The following ZNF385C variants were observed in gnomAD, a reference collection of about 807,000 sequenced individuals.
The protein encoded by ZNF385C is zinc finger protein 385C, also known as CTD-2132N18.2.
In ZNF385C, 28 loss-of-function variants were observed where a neutral mutation model predicts 35.4. That is an observed-to-expected ratio of 0.79 (90% CI 0.59 to 1.08). The LOEUF is 1.08. Among genes scored for constraint, ZNF385C ranks in the 50% least tolerant of loss-of-function variants. The pLI, the probability that ZNF385C is intolerant of heterozygous loss-of-function variation, is 0.00. For synonymous variants in ZNF385C, 248 were observed against 248.2 expected, an observed-to-expected ratio of 1.00 and a Z score of 0.01; for missense variants, 605 against 595.6, an observed-to-expected ratio of 1.02 and a Z score of -0.16.
At chr17:42,067,233 GC>G (rs1567993373) in intron 1 of ZNF385C, among the ~76,000 whole-genome samples, 1 of 152,166 alleles carries the variant, frequency 6.6e-6, no homozygotes, top group African/African-American at 2.4e-5. Context: ...ACTGCGCCCA[GC>G]CTTGCTGACA....
At chr17:42,027,188 C>G (rs929764118) in intron 8 of ZNF385C, 55 bp from the exon 9 acceptor site, 7 of 1,513,006 alleles carry the variant, frequency 4.6e-6, no homozygotes, top group East Asian at 2.3e-5. Context: ...ACCCCACCCC[C>G]TCCCTGGGGC....
chr17:42,028,974 G>C lies in ZNF385C; in HGVS notation c.776C>G (p.Ser259Cys). Residue 259 changes from serine (S) to cysteine (C), a missense_variant, in exon 6 of 9, where the codon TCC (serine) becomes TGC (cysteine). Transcript: ENST00000692273. ...TGGGCAGGAGGAAGAAGAGGATGAG[G>C]AGGCAGCATCCAAGAGCTCTGAGTG... ...PAHSELLDAA[S>C]SSSSSSCPPC... is the part of the protein sequence containing the mutation. The C allele has an allele frequency of 6.4e-7, 1 of 1,550,618 alleles. No individual in the cohort carries two copies. The highest frequency in any genetic ancestry group is 1.2e-5 in the South Asian group (1 of 84,064).
intron 2 of ZNF385C, among the ~76,000 whole-genome samples, chr17:42,044,848 C>T (rs1325435674): frequency 6.6e-6 from 1 of 151,748 alleles, no homozygotes; most frequent in Non-Finnish European, 1.5e-5. Context: ...TCCCCAGGCA[C>T]GAGGCCAGGA....
intron 1 of ZNF385C, among the ~76,000 whole-genome samples, chr17:42,063,305 G>T (rs1410953337): frequency 6.6e-6 from 1 of 152,164 alleles, no homozygotes; most frequent in Admixed American, 6.5e-5. Context: ...GAGGCGGGCA[G>T]GTCACCTGAG....
intron 2 of ZNF385C, chr17:42,043,185 G>T: frequency 8.1e-7 from 1 of 1,232,264 alleles, no homozygotes; most frequent in Non-Finnish European, 1.0e-6. Flanking sequence ...TGCCCACAGT[G>T]AAGGCGTTTT....
chr17:42,074,831 CA>C (rs1555659123), intron 1 of ZNF385C, among the ~76,000 whole-genome samples: 1 of 152,220 alleles, frequency 6.6e-6, no homozygotes, highest in African/African-American at 2.4e-5. Context: ...TGTGGCTGTC[CA>C]CGGAGAATTG....
chr17:42,047,226 G>A lies in ZNF385C; in HGVS notation c.251-9341C>T, dbSNP rs187821786. On this transcript the variant is annotated intron_variant, in intron 2 of 8. Transcript: ENST00000692273. ...TTTTTGTATTTTTAGTAGAGACAGGGTTTCACCATGTTAGCCAGGATGGTC... is the reference window on the plus strand; with the variant it reads ...TTTTTGTATTTTTAGTAGAGACAGGATTTCACCATGTTAGCCAGGATGGTC... Among the ~76,000 whole-genome samples the A allele has an allele frequency of 4.9e-3, 746 of 152,222 alleles. 7 individuals are homozygous for A. The highest frequency in any genetic ancestry group is 8.1e-3 in the Non-Finnish European group (549 of 68,008).
Position 42,032,799 on chromosome 17 carries a change from G to A in ZNF385C, c.511-1015C>T, listed in dbSNP as rs138375709. Among the ~76,000 whole-genome samples the A allele has an allele frequency of 4.7e-3, 708 of 151,022 alleles. 4 individuals carry two copies. The highest frequency in any genetic ancestry group is 6.3e-3 in the Non-Finnish European group (426 of 67,808). On this transcript the variant is annotated intron_variant, in intron 4 of 8. Transcript: ENST00000692273. ...GCAATCTAGGCTCACTGTAACCTCT[G>A]CCTCCTGGGTTCAAGCGATTCTCCT...
intron 1 of ZNF385C, among the ~76,000 whole-genome samples, chr17:42,092,955 G>A (rs898934354): frequency 3.9e-5 from 6 of 152,120 alleles, no homozygotes; most frequent in African/African-American, 1.4e-4. Context: ...AGGGCAGGGG[G>A]CAAGGCCAAA....
intron 8 of ZNF385C, 84 bp downstream of exon 8, chr17:42,027,534 C>T (rs2052615440): frequency 1.7e-6 from 2 of 1,206,542 alleles, no homozygotes; most frequent in South Asian, 1.6e-5. Context: ...TTTCCTGCCC[C>T]ACCGCAGCCC....
rs1162448945 is a variant in ZNF385C, at chr17:42,050,424, C to T, written c.250+12383G>A. On this transcript the variant is annotated intron_variant, in intron 2 of 8. Transcript: ENST00000692273. The surrounding 1 kb of genome is among the most constrained non-coding windows in gnomAD (Gnocchi z 5.6). Reference sequence around the variant, plus strand: ...GACGGGGAGGGCTGAGGAACTTCCTCTGGGGGGCGCGCGGTGACAGAGCCC... The same window carrying T: ...GACGGGGAGGGCTGAGGAACTTCCTTTGGGGGGCGCGCGGTGACAGAGCCC... The T allele has an allele frequency of 6.6e-6, 1 of 152,160 alleles. No homozygotes were observed. Among genetic ancestry groups the T allele is most frequent in the African/African-American group, 2.4e-5 (1 of 41,432 alleles). 9.4% of individuals were successfully genotyped at this position (152,160 alleles called of 1,614,324 possible).
chr17:42,057,603 T>C (rs1419976539), intron 2 of ZNF385C, among the ~76,000 whole-genome samples: 1 of 150,268 alleles, frequency 6.7e-6, no homozygotes, highest in Non-Finnish European at 1.5e-5. Flanking sequence ...CACACCCCCA[T>C]TGGGAGGAGA....
At chr17:42,093,453 C>G (rs1446837025) in intron 1 of ZNF385C, among the ~76,000 whole-genome samples, 1 of 152,142 alleles carries the variant, frequency 6.6e-6, no homozygotes, top group Non-Finnish European at 1.5e-5. Flanking sequence ...GCTCCCAGGC[C>G]TATGACCCTG....
At chr17:42,043,431 T>A in intron 2 of ZNF385C, 1 of 1,223,972 alleles carries the variant, frequency 8.2e-7, no homozygotes, top group Non-Finnish European at 1.0e-6. Context: ...CTTGCCCCCC[T>A]GCCTCCCCCA....
At chr17:42,091,161 C>T (rs2053860898) in intron 1 of ZNF385C, among the ~76,000 whole-genome samples, 1 of 151,742 alleles carries the variant, frequency 6.6e-6, no homozygotes, top group Admixed American at 6.6e-5. Flanking sequence ...CGCATGGTGG[C>T]ATTACAGGCA....
At chr17:42,080,835 A>G (rs1257970924) in intron 1 of ZNF385C, among the ~76,000 whole-genome samples, 2 of 152,214 alleles carry the variant, frequency 1.3e-5, no homozygotes, top group African/African-American at 4.8e-5. Context: ...AGCTTCCCAC[A>G]GCAGGGCCAC....
At chr17:42,089,923 CCTT>C (rs1555660375) in intron 1 of ZNF385C, among the ~76,000 whole-genome samples, 2 of 152,216 alleles carry the variant, frequency 1.3e-5, no homozygotes, top group Non-Finnish European at 2.9e-5. Context: ...CTGGAGAACA[CCTT>C]CTTAAAACAT....
At chr17:42,048,797 G>A (rs1357804059) in intron 2 of ZNF385C, among the ~76,000 whole-genome samples, 9 of 152,004 alleles carry the variant, frequency 5.9e-5, no homozygotes, top group African/African-American at 1.9e-4. Flanking sequence ...TTGCCTGGAC[G>A]AGTGCAGTTG....
chr17:42,040,275 GC>G lies in ZNF385C; in HGVS notation c.251-2391del, dbSNP rs371365899. ...GGAAGGATCCCCGGAGCCACTCCAA[GC>G]CCCGGACCGCAGCCTCGGAGTAACC... On this transcript the variant is annotated intron_variant, in intron 2 of 8. Coordinates refer to ENST00000692273, the MANE Select transcript of ZNF385C (RefSeq NM_001392013.1). 128 of 1,231,660 alleles carry G rather than the reference GC, an allele frequency of 1.0e-4. No homozygotes were observed. The South Asian group carries it at 4.6e-3, about 45-fold the overall frequency. 76.3% of individuals were successfully genotyped at this position (1,231,660 alleles called of 1,614,324 possible). A position where few individuals can be genotyped will look rare whatever the true frequency, so the allele number is the denominator to read the frequency against.
Sources: allele counts gnomAD v4.1 joint callset (sites outside exome capture counted in the v4.1 genomes callset), GRCh38; gene constraint gnomAD v4.1.1; non-coding constraint Gnocchi (gnomAD v3.1); transcripts MANE v1.5; gene names NCBI Gene and HGNC (gene_info 2026-07-23, HGNC 2026-07-21).